SSC5D: variants seen among roughly 807,000 people sequenced by gnomAD.
SSC5D encodes the protein soluble scavenger receptor cysteine-rich domain-containing protein SSC5D.
A neutral mutation model predicts 104.6 loss-of-function variants in SSC5D; 106 were observed. That is an observed-to-expected ratio of 1.01 (90% CI 0.87 to 1.19). The LOEUF (loss-of-function observed/expected upper bound fraction) is 1.19, where lower values mean the gene tolerates loss of function less well. SSC5D is among the 50% of genes most tolerant of loss of function. The pLI is 0.00. For synonymous variants in SSC5D, 860 were observed against 883.5 expected, an observed-to-expected ratio of 0.97 and a Z score of 0.47; for missense variants, 1,993 against 2,153.8, an observed-to-expected ratio of 0.93 and a Z score of 1.48.
At chr19:55,504,352 T>G (rs1046567602) in intron 12 of SSC5D, 2 of 1,391,888 alleles carry the variant, frequency 1.4e-6, no homozygotes, top group African/African-American at 1.5e-5. Context: ...GACAGCCATG[T>G]GTGCCACCTT....
chr19:55,509,850 C>CAAAA (rs1250937223), intron 12 of SSC5D, among the ~76,000 whole-genome samples: 9 of 75,970 alleles, frequency 1.2e-4, no homozygotes, highest in East Asian at 3.4e-4. Context: ...AACTCTGTCT[C>CAAAA]AAAAAAAAAA....
At chr19:55,496,412 AG>A (rs1469908714) in intron 8 of SSC5D, among the ~76,000 whole-genome samples, 1 of 152,244 alleles carries the variant, frequency 6.6e-6, no homozygotes, top group Non-Finnish European at 1.5e-5. Context: ...AGATGGGAAA[AG>A]GCCGAACAAA....
intron 12 of SSC5D, among the ~76,000 whole-genome samples, chr19:55,506,642 C>T (rs1162944809): frequency 6.6e-6 from 1 of 151,928 alleles, no homozygotes; most frequent in Non-Finnish European, 1.5e-5. Flanking sequence ...GATCTGCCTG[C>T]CTCGGCCTCC....
Position 55,499,818 on chromosome 19 carries a change from C to G in SSC5D, c.1708C>G (p.Pro570Ala). 1 of 1,549,018 alleles carries G rather than the reference C, an allele frequency of 6.5e-7. No homozygotes were observed. The highest frequency in any genetic ancestry group is 8.7e-7 in the Non-Finnish European group (1 of 1,145,104). ...NEDVGVTCTG[P>A]PGLDSISDPF... is the part of the protein sequence containing the mutation. ...TTCCTGCCCCACTCACCTTCCAGGGCCCCCAGGCCTGGACTCCATCTCAGA... is the reference window on the plus strand; with the variant it reads ...TTCCTGCCCCACTCACCTTCCAGGGGCCCCAGGCCTGGACTCCATCTCAGA... The change falls in exon 10 of 14, where the codon CCC becomes GCC. Residue 570 changes from proline (P) to alanine (A), a missense_variant and splice_region_variant. Physicochemically the swap from Pro to Ala is conservative, Grantham distance 27 (BLOSUM62 -1). Coordinates refer to ENST00000389623, the MANE Select transcript of SSC5D (RefSeq NM_001144950.2).
Position 55,489,986 on chromosome 19 carries a change from G to C in SSC5D, c.466G>C (p.Val156Leu). 1 of 1,548,278 alleles carries C rather than the reference G, an allele frequency of 6.5e-7. No homozygotes were observed. Among genetic ancestry groups the C allele is most frequent in the Non-Finnish European group, 8.7e-7 (1 of 1,146,156 alleles). Residue 156 changes from valine to leucine, a missense_variant, in exon 4 of 14, where the codon GTG (valine) becomes CTG (leucine). This residue lies in a region of SSC5D where 1,101 missense variants were observed against 1,085.0 expected (regional missense o/e 1.01). Transcript: ENST00000389623. ...ELSPSTEEPL[V>L]THAPRPAGNP... ...GAGCCCCAGCACGGAGGAGCCCCTG[G>C]TGACACATGGTGAGCCCAGGGGACT... is the stretch of plus-strand genomic sequence containing the variant.
rs1987790171 is a variant in SSC5D, at chr19:55,513,035, C to T, written c.2810C>T (p.Pro937Leu). ...GGCAGCAAAGATGGTTACAAGCTTCCCTGGACGTGGGACACACCATCAGGA... is the reference window on the plus strand; with the variant it reads ...GGCAGCAAAGATGGTTACAAGCTTCTCTGGACGTGGGACACACCATCAGGA... ...DTGSKDGYKL[P>L]WTWDTPSGRG... Residue 937 changes from proline (P) to leucine (L), a missense_variant, in exon 13 of 14, where the codon CCC (proline) becomes CTC (leucine). Physicochemically the swap from Pro to Leu is moderately conservative, Grantham distance 98. Transcript: ENST00000389623. 1 of 1,552,016 alleles carries T rather than the reference C, an allele frequency of 6.4e-7. No individual in the cohort carries two copies. Among genetic ancestry groups the T allele is most frequent in the East Asian group, 2.4e-5 (1 of 40,900 alleles).
intron 6 of SSC5D, among the ~76,000 whole-genome samples, chr19:55,493,013 T>A (rs1179568877): frequency 6.6e-6 from 1 of 151,700 alleles, no homozygotes; most frequent in African/African-American, 2.4e-5. Context: ...CTGGGTGACA[T>A]AGTGAGATCC....
Position 55,518,242 on chromosome 19 carries a change from C to T in SSC5D, c.3966C>T (p.Thr1322=). The change falls in exon 14 of 14, where the codon ACC becomes ACT. Residue 1322 remains threonine (T), a synonymous_variant. Transcript: ENST00000389623. ...CCACTACTCCTGATCCCACCACGAC[C>T]CCTCACCCCACAACTCCTGACCCTT... ...YPTTTPDPTT[T]PHPTTPDPSS... 3 of 1,474,778 alleles carry T rather than the reference C, an allele frequency of 2.0e-6. No individual in the cohort carries two copies. The highest frequency in any genetic ancestry group is 2.4e-5 in the South Asian group (2 of 81,748). 91.4% of individuals were successfully genotyped at this position (1,474,778 alleles called of 1,614,324 possible). A position where few individuals can be genotyped will look rare whatever the true frequency, so the allele number is the denominator to read the frequency against.
At position 55,518,646 on chromosome 19, in the gene SSC5D, TC is replaced by T; in HGVS notation, c.4371del (p.Thr1458ProfsTer2). The T allele has an allele frequency of 7.8e-7, 1 of 1,276,178 alleles. No homozygotes were observed. Among genetic ancestry groups the T allele is most frequent in the Non-Finnish European group, 1.0e-6 (1 of 990,938 alleles). 79.1% of individuals were successfully genotyped at this position (1,276,178 alleles called of 1,614,324 possible). Reference protein sequence around the residue: ...HPLDHPPLDPLTLGPTPGQSP... With the variant: ...HPLDHPPLDPXTLGPTPGQSP... ...TTGGATCATCCTCCCCTTGACCCCC[TC>T]ACCCTAGGGCCAACTCCTGGTCAGA... is the stretch of plus-strand genomic sequence containing the variant. On this transcript the variant is annotated frameshift_variant, in exon 14 of 14. Coordinates refer to ENST00000389623, the MANE Select transcript of SSC5D (RefSeq NM_001144950.2). LOFTEE classifies it low-confidence loss of function (END_TRUNC).
In SSC5D at chr19:55,517,517, G is replaced by T; in HGVS notation, c.3241G>T (p.Ala1081Ser). The T allele has an allele frequency of 1.3e-6, 2 of 1,551,110 alleles. No homozygotes were observed. The highest frequency in any genetic ancestry group is 1.7e-6 in the Non-Finnish European group (2 of 1,146,964). ...LSTPDSSVVP[A>S]LTPEPSPTPL... ...CACCCCTGACTCCAGTGTGGTTCCC[G>T]CGTTGACCCCGGAGCCCTCACCCAC... The change falls in exon 14 of 14, where the codon GCG becomes TCG. Residue 1081 changes from alanine to serine, a missense_variant. Ala to Ser is a moderately conservative substitution (Grantham distance 99). Transcript: ENST00000389623.
At chr19:55,502,533 T>C (rs1668591114) in intron 12 of SSC5D, among the ~76,000 whole-genome samples, 1 of 152,156 alleles carries the variant, frequency 6.6e-6, no homozygotes, top group African/African-American at 2.4e-5. Context: ...TCTCACACTC[T>C]CATCTCTGTT....
chr19:55,494,546 G>A (rs1599915751), intron 7 of SSC5D, 64 bp from the exon 8 acceptor site: 4 of 1,437,050 alleles, frequency 2.8e-6, no homozygotes, highest in Non-Finnish European at 3.7e-6. Flanking sequence ...CGCAGGAGGT[G>A]GGGGTGCCGG....
intron 13 of SSC5D, among the ~76,000 whole-genome samples, 195 bp from the exon 14 acceptor site, chr19:55,517,029 G>T (rs1231831469): frequency 6.6e-6 from 1 of 152,166 alleles, no homozygotes; most frequent in Admixed American, 6.5e-5. Flanking sequence ...AGTGGAGGAC[G>T]CCAGGTGGCG....
In SSC5D at chr19:55,500,663, C is replaced by G; in HGVS notation, c.2476C>G (p.His826Asp). Residue 826 changes from histidine to aspartate, a missense_variant, in exon 11 of 14, where the codon CAT (histidine) becomes GAT (aspartate). By Grantham distance (81) the His-to-Asp change is moderately conservative. Transcript: ENST00000389623. The surrounding 1 kb of genome is among the most constrained non-coding windows in gnomAD (Gnocchi z 4.6). ...GGTCCGGCCTCGAGTAGGCAAAACC[C>G]ATTACGGCCCTGGGACTGGGCCCAT... is the stretch of plus-strand genomic sequence containing the variant. ...GKVRPRVGKT[H>D]YGPGTGPIWL... 6.4e-7 allele frequency: 1 copy of G among 1,551,716 alleles called. No individual in the cohort carries two copies. Among genetic ancestry groups the G allele is most frequent in the Non-Finnish European group, 8.7e-7 (1 of 1,146,998 alleles).
chr19:55,490,950 T>C lies in SSC5D; in HGVS notation c.765T>C (p.Pro255=). 1 of 1,545,370 alleles carries C rather than the reference T, an allele frequency of 6.5e-7. No homozygotes were observed. The highest frequency in any genetic ancestry group is 8.7e-7 in the Non-Finnish European group (1 of 1,144,308). Reference sequence around the variant, plus strand: ...CCCCCGGCGGTGCCAGATTCGGGCCTGGTGCAGGGCCCGTGTGGATGGACG... The same window carrying C: ...CCCCCGGCGGTGCCAGATTCGGGCCCGGTGCAGGGCCCGTGTGGATGGACG... ...LAAPGGARFG[P]GAGPVWMDDV... The change falls in exon 6 of 14, where the codon CCT becomes CCC. Residue 255 remains proline (P), a synonymous_variant. Coordinates refer to ENST00000389623, the MANE Select transcript of SSC5D (RefSeq NM_001144950.2).
In SSC5D at chr19:55,489,480, A is replaced by T. The variant is rs1247330975; in HGVS notation, c.179A>T (p.Gln60Leu). The T allele has an allele frequency of 4.7e-6, 7 of 1,473,908 alleles. No homozygotes were observed. Among genetic ancestry groups the T allele is most frequent in the Non-Finnish European group, 6.3e-6 (7 of 1,119,980 alleles). The allele number at this position is 1,473,908 out of a possible 1,614,324, so 91.3% of individuals were successfully genotyped here. A position where few individuals can be genotyped will look rare whatever the true frequency, so the allele number is the denominator to read the frequency against. ...CGCGATGCCGCCGTGGCCTGCCGGC[A>T]GCTGGGCTGCGGAGGGGCACTGGCC... ...DLRDAAVACR[Q>L]LGCGGALAAP... The change falls in exon 3 of 14, where the codon CAG becomes CTG. Residue 60 changes from glutamine to leucine, a missense_variant. This residue lies in a region of SSC5D where 1,101 missense variants were observed against 1,085.0 expected (regional missense o/e 1.01). Coordinates refer to ENST00000389623, the MANE Select transcript of SSC5D (RefSeq NM_001144950.2).
chr19:55,518,675 C>T lies in SSC5D; in HGVS notation c.4399C>T (p.Pro1467Ser), dbSNP rs138907481. The T allele has an allele frequency of 3.9e-6, 6 of 1,547,936 alleles. No homozygotes were observed. In the East Asian group the frequency reaches 9.8e-5, roughly 25 times the overall value. ...CCTAGGGCCAACTCCTGGTCAGAGC[C>T]CAGGCCCCCATGGTCCATGTGTGGC... is the stretch of plus-strand genomic sequence containing the variant. ...LTLGPTPGQS[P>S]GPHGPCVAPT... Residue 1467 changes from proline to serine, a missense_variant, in exon 14 of 14, where the codon CCA becomes TCA. By Grantham distance (74) the Pro-to-Ser change is moderately conservative. Around this residue, in one of 6 missense-constraint regions of SSC5D, gnomAD observed 349 missense variants for 397.6 expected, o/e 0.88. Transcript: ENST00000389623.
In SSC5D at chr19:55,517,890, C is replaced by G. The variant is rs1281766239; in HGVS notation, c.3614C>G (p.Pro1205Arg). The G allele has an allele frequency of 6.5e-7, 1 of 1,543,852 alleles. No homozygotes were observed. Among genetic ancestry groups the G allele is most frequent in the Non-Finnish European group, 8.7e-7 (1 of 1,144,920 alleles). ...CCTGACCCCACCACAACCCCTCAAC[C>G]CTTCACCACCATCACTCACTCCACC... ...MIPDPTTTPQPFTTITHSTMI... is the reference protein window; with the variant it reads ...MIPDPTTTPQRFTTITHSTMI... Residue 1205 changes from proline to arginine, a missense_variant, in exon 14 of 14, where the codon CCC (proline) becomes CGC (arginine). Pro to Arg is a moderately radical substitution (Grantham distance 103). This residue lies in a region of SSC5D where 20 missense variants were observed against 102.5 expected (regional missense o/e 0.20). Coordinates refer to ENST00000389623, the MANE Select transcript of SSC5D (RefSeq NM_001144950.2).
chr19:55,497,932 G>A lies in SSC5D; in HGVS notation c.1440G>A (p.Leu480=). The change falls in exon 9 of 14, where the codon CTG becomes CTA. Residue 480 remains leucine, a synonymous_variant. Coordinates refer to ENST00000389623, the MANE Select transcript of SSC5D (RefSeq NM_001144950.2). ...VAGPSKCSGR[L]EVWHDQRWGT... is the part of the protein sequence containing the mutation. ...GGCCCAGCAAGTGCTCAGGTCGACTGGAGGTGTGGCATGACCAGCGCTGGG... is the reference window on the plus strand; with the variant it reads ...GGCCCAGCAAGTGCTCAGGTCGACTAGAGGTGTGGCATGACCAGCGCTGGG... 1 of 1,551,152 alleles carries A rather than the reference G, an allele frequency of 6.4e-7. No homozygotes were observed. Among genetic ancestry groups the A allele is most frequent in the Non-Finnish European group, 8.7e-7 (1 of 1,146,496 alleles).
Sources: allele counts gnomAD v4.1 joint callset (sites outside exome capture counted in the v4.1 genomes callset), GRCh38; gene constraint gnomAD v4.1.1; regional missense constraint gnomAD v4.1.1; non-coding constraint Gnocchi (gnomAD v3.1); transcripts MANE v1.5; gene names NCBI Gene and HGNC (gene_info 2026-07-23, HGNC 2026-07-21).